CNTNAP5: variants seen among roughly 807,000 people sequenced by gnomAD.
CNTNAP5 encodes the protein contactin associated protein family member 5, also known as contactin-associated protein-like 5.
CNTNAP5 carries 72 observed loss-of-function variants against 150.2 expected under a neutral mutation model. The ratio of observed to expected loss-of-function variants is 0.48; its 90% CI spans 0.40 to 0.58. The LOEUF (loss-of-function observed/expected upper bound fraction) is 0.58, where lower values mean the gene tolerates loss of function less well. Among genes scored for constraint, CNTNAP5 ranks in the 20% least tolerant of loss-of-function variants. The pLI is 0.00. For synonymous variants in CNTNAP5, 672 were observed against 619.8 expected (o/e 1.08, Z -1.25); for missense variants, 1,636 against 1,626.2 (o/e 1.01, Z -0.10).
At chr2:124,628,691 C>G (rs1677782217) in intron 12 of CNTNAP5, among the ~76,000 whole-genome samples, 1 of 152,070 alleles carries the variant, frequency 6.6e-6, no homozygotes, top group Non-Finnish European at 1.5e-5. Flanking sequence ...AGCATCATGA[C>G]AGGGTCAAAT....
chr2:124,082,098 C>T (rs1258162781), intron 1 of CNTNAP5, among the ~76,000 whole-genome samples: 1 of 151,978 alleles, frequency 6.6e-6, no homozygotes, highest in Non-Finnish European at 1.5e-5. Context: ...GCCTATAATC[C>T]CAGCACTTTG....
chr2:124,751,786 G>A (rs1020647541), intron 14 of CNTNAP5, among the ~76,000 whole-genome samples: 2 of 152,086 alleles, frequency 1.3e-5, no homozygotes, highest in Admixed American at 6.6e-5. Context: ...AGTGGATAGC[G>A]GTTGAATATG....
intron 1 of CNTNAP5, among the ~76,000 whole-genome samples, chr2:124,103,971 AATC>A (rs1573755906): frequency 1.4e-5 from 2 of 147,756 alleles, no homozygotes; most frequent in East Asian, 1.9e-4. Flanking sequence ...AAATATAGTT[AATC>A]ATAATAATAT....
intron 19 of CNTNAP5, among the ~76,000 whole-genome samples, chr2:124,798,676 G>T (rs1005941590): frequency 6.6e-6 from 1 of 152,162 alleles, no homozygotes; most frequent in Non-Finnish European, 1.5e-5. Flanking sequence ...TGTCATCTTT[G>T]CTTCAGTCTT....
rs181099050 is a variant in CNTNAP5 at position 124,410,970 on chromosome 2, G to C, written c.382-6473G>C. 1.8e-3 allele frequency among the ~76,000 whole-genome samples: 270 copies of C among 152,028 alleles called. 1 individual carries two copies. The highest frequency in any genetic ancestry group is 6.4e-3 in the African/African-American group (267 of 41,474). On this transcript the variant is annotated intron_variant, in intron 3 of 23. Transcript: ENST00000682447. ...GTTTTTTGAAAGGATCAACAAAATT[G>C]ATAGACCGCTAGCAGGACTAATAAA...
At chr2:124,763,884 G>C in intron 15 of CNTNAP5, 85 bp downstream of exon 15, 1 of 1,596,370 alleles carries the variant, frequency 6.3e-7, no homozygotes, top group Non-Finnish European at 8.6e-7. Flanking sequence ...TCCCTGCAGT[G>C]TGCCCTAGTC....
At chr2:124,427,466 A>G (rs1048399554) in intron 4 of CNTNAP5, among the ~76,000 whole-genome samples, 2 of 151,598 alleles carry the variant, frequency 1.3e-5, no homozygotes, top group Non-Finnish European at 2.9e-5. Context: ...TTATTTATTT[A>G]TTTATTTTGA....
At chr2:124,303,377 T>G (rs908559334) in intron 3 of CNTNAP5, among the ~76,000 whole-genome samples, 17 of 152,210 alleles carry the variant, frequency 1.1e-4, no homozygotes, top group African/African-American at 4.1e-4. Context: ...TGATTCCACC[T>G]TGCAAACTTG....
chr2:124,572,930 A>G (rs1396014470), intron 11 of CNTNAP5, among the ~76,000 whole-genome samples: 1 of 152,190 alleles, frequency 6.6e-6, no homozygotes, highest in Non-Finnish European at 1.5e-5. Context: ...ATTCTACCGT[A>G]TAAAAATTGT....
chr2:124,546,017 G>A, intron 10 of CNTNAP5, among the ~76,000 whole-genome samples: 1 of 152,074 alleles, frequency 6.6e-6, no homozygotes, highest in East Asian at 1.9e-4. Flanking sequence ...TCCATTAAAA[G>A]CTCTTTTAAT....
intron 7 of CNTNAP5, among the ~76,000 whole-genome samples, chr2:124,489,499 T>G (rs1048395185): frequency 6.6e-6 from 1 of 152,172 alleles, no homozygotes; most frequent in South Asian, 2.1e-4. Flanking sequence ...CCAAATACAG[T>G]CGCATTCTGA....
At chr2:124,867,531 T>C (rs1201792740) in intron 20 of CNTNAP5, among the ~76,000 whole-genome samples, 1 of 152,176 alleles carries the variant, frequency 6.6e-6, no homozygotes, top group African/African-American at 2.4e-5. Context: ...TCCTTCCTGT[T>C]CTTGCAACTT....
At position 124,641,954 on chromosome 2, in the gene CNTNAP5, G is replaced by C. The variant is rs186605075; in HGVS notation, c.1877-5804G>C. ...CTGAGTTGTGATCCCCATGGTAACA[G>C]ATGGAATTGCTTACAGCGTCTGTAA... On this transcript the variant is annotated intron_variant, in intron 12 of 23. Coordinates refer to ENST00000682447, the MANE Select transcript of CNTNAP5 (RefSeq NM_001367498.1). Among the ~76,000 whole-genome samples, 20 of 152,270 alleles carry C rather than the reference G, an allele frequency of 1.3e-4. No homozygotes were observed. The East Asian group carries it at 3.9e-3, about 29-fold the overall frequency.
chr2:124,301,562 T>C (rs1011450331), intron 3 of CNTNAP5, among the ~76,000 whole-genome samples: 4 of 152,200 alleles, frequency 2.6e-5, no homozygotes, highest in African/African-American at 9.7e-5. Context: ...TATGTGACAC[T>C]CATGTACATT....
chr2:124,032,173 G>A (rs1681071644), intron 1 of CNTNAP5, among the ~76,000 whole-genome samples: 1 of 152,066 alleles, frequency 6.6e-6, no homozygotes, highest in Admixed American at 6.6e-5. Context: ...TGCACTTTAA[G>A]GCACAAAATG....
chr2:124,450,467 A>G (rs570308681), intron 6 of CNTNAP5, among the ~76,000 whole-genome samples: 1 of 150,626 alleles, frequency 6.6e-6, no homozygotes, highest in South Asian at 2.1e-4. Context: ...AGCAACTAGC[A>G]TGAACTTTGC....
chr2:124,171,368 A>G (rs1443391732), intron 1 of CNTNAP5, among the ~76,000 whole-genome samples: 3 of 152,296 alleles, frequency 2.0e-5, no homozygotes, highest in East Asian at 3.9e-4. Flanking sequence ...GTTTTTGATC[A>G]CTGGGGTGCC....
At chr2:124,493,491 C>G (rs1573411750) in intron 7 of CNTNAP5, among the ~76,000 whole-genome samples, 1 of 152,084 alleles carries the variant, frequency 6.6e-6, no homozygotes, top group East Asian at 1.9e-4. Context: ...CAGGCGTTTG[C>G]CTCCATGTCT....
chr2:124,474,596 T>G (rs1406921244), intron 6 of CNTNAP5, 143 bp from the exon 7 acceptor site: 1 of 641,542 alleles, frequency 1.6e-6, no homozygotes, highest in Non-Finnish European at 2.6e-6. Flanking sequence ...CTTTTAAATG[T>G]GTAATCAAGT....
Sources: allele counts gnomAD v4.1 joint callset (sites outside exome capture counted in the v4.1 genomes callset), GRCh38; gene constraint gnomAD v4.1.1; transcripts MANE v1.5; gene names NCBI Gene and HGNC (gene_info 2026-07-23, HGNC 2026-07-21).